Variants in AHI1 observed in about 807,000 individuals in gnomAD.
AHI1 encodes jouberin.
A neutral mutation model predicts 149.3 loss-of-function variants in AHI1; 123 were observed. The ratio of observed to expected loss-of-function variants is 0.82; its 90% confidence interval spans 0.71 to 0.96. The LOEUF is 0.96. AHI1 is among the 40% of genes least tolerant of loss of function. AHI1 has a pLI of 0.00. For synonymous variants in AHI1, 475 were observed against 459.8 expected (o/e 1.03, Z -0.42); for missense variants, 1,439 against 1,422.7 (o/e 1.01, Z -0.18).
intron 23 of AHI1, among the ~76,000 whole-genome samples, chr6:135,372,357 C>T (rs550132766): frequency 1.3e-5 from 2 of 151,938 alleles, no homozygotes; most frequent in Non-Finnish European, 2.9e-5. Context: ...TAAATTAAAC[C>T]AAAACAAACA....
At chr6:135,364,884 A>AAGAGAG (rs1171965324) in intron 23 of AHI1, among the ~76,000 whole-genome samples, 10 of 151,596 alleles carry the variant, frequency 6.6e-5, no homozygotes, top group African/African-American at 2.4e-4. Flanking sequence ...AGACCGTGGA[A>AAGAGAG]AGAGAGGGAG....
At chr6:135,351,749 T>C (rs1364320581) in intron 24 of AHI1, among the ~76,000 whole-genome samples, 1 of 152,196 alleles carries the variant, frequency 6.6e-6, no homozygotes. Context: ...GGATCTTAAA[T>C]ACATGATCAT....
chr6:135,410,283 T>C lies in AHI1; in HGVS notation c.2961+1065A>G, dbSNP rs761413208. Among the ~76,000 whole-genome samples the C allele has an allele frequency of 4.6e-5, 7 of 152,242 alleles. No individual in the cohort carries two copies. In the East Asian group the frequency reaches 7.7e-4, roughly 17 times the overall value. ...TACTCAAGAGTCAGAGGCAGGAGAATTGCTTGAGCCCAGGCGTTCGAGACT... is the reference window on the plus strand; with the variant it reads ...TACTCAAGAGTCAGAGGCAGGAGAACTGCTTGAGCCCAGGCGTTCGAGACT... On this transcript the variant is annotated intron_variant, in intron 21 of 28. Coordinates refer to ENST00000265602, the MANE Select transcript of AHI1 (RefSeq NM_001134831.2).
intron 5 of AHI1, among the ~76,000 whole-genome samples, chr6:135,482,085 T>A (rs911821340): frequency 6.6e-6 from 1 of 152,178 alleles, no homozygotes; most frequent in Non-Finnish European, 1.5e-5. Flanking sequence ...GCTTCTCTGA[T>A]CTGTGGGTGT....
chr6:135,286,980 A>G (rs1225565254), intron 28 of AHI1, among the ~76,000 whole-genome samples: 2 of 152,246 alleles, frequency 1.3e-5, no homozygotes, highest in African/African-American at 4.8e-5. Context: ...GTTTCAATGA[A>G]GGCTGGGCTA....
intron 20 of AHI1, among the ~76,000 whole-genome samples, chr6:135,422,811 G>C (rs1406630971): frequency 2.6e-5 from 4 of 151,748 alleles, no homozygotes; most frequent in African/African-American, 9.7e-5. Flanking sequence ...TTTTAAGGGA[G>C]TGAACTATTA....
chr6:135,388,955 C>G (rs1181491527), intron 23 of AHI1, among the ~76,000 whole-genome samples: 1 of 151,296 alleles, frequency 6.6e-6, no homozygotes, highest in Non-Finnish European at 1.5e-5. Context: ...GAGGTTACAG[C>G]GAGCTGAGAC....
intron 3 of AHI1, among the ~76,000 whole-genome samples, chr6:135,494,343 T>C (rs1795676996): frequency 6.6e-6 from 1 of 152,186 alleles, no homozygotes; most frequent in Admixed American, 6.5e-5. Context: ...TAACAGGTTG[T>C]TAGGGTGCAG....
At chr6:135,396,649 A>G (rs536410758) in intron 22 of AHI1, among the ~76,000 whole-genome samples, 83 of 151,968 alleles carry the variant, frequency 5.5e-4, no homozygotes, top group Admixed American at 1.3e-3. Flanking sequence ...AAAAGAACAT[A>G]TTTATCACTT....
intron 25 of AHI1, among the ~76,000 whole-genome samples, chr6:135,320,029 A>G (rs578079991): frequency 6.6e-6 from 1 of 152,314 alleles, no homozygotes; most frequent in South Asian, 2.1e-4. Context: ...TTGGCTTCAG[A>G]TAAAGATCAA....
At chr6:135,479,676 A>G (rs1174652167) in intron 5 of AHI1, among the ~76,000 whole-genome samples, 1 of 152,200 alleles carries the variant, frequency 6.6e-6, no homozygotes, top group Non-Finnish European at 1.5e-5. Flanking sequence ...TGTTGAAATA[A>G]GTTAAGACTT....
At position 135,492,252 on chromosome 6, in the gene AHI1, C is replaced by T. The variant is rs536727804; in HGVS notation, c.-15G>A. ...CCTGTAGGCATCTCTCAGCTTTATG[C>T]AGAGGACTGAGAATGCAAAGCATTG... is the stretch of plus-strand genomic sequence containing the variant. On this transcript the variant is annotated 5_prime_UTR_variant, in exon 4 of 29. Coordinates refer to ENST00000265602, the MANE Select transcript of AHI1 (RefSeq NM_001134831.2). The T allele has an allele frequency of 2.0e-6, 3 of 1,537,034 alleles. No homozygotes were observed. Among genetic ancestry groups the T allele is most frequent in the African/African-American group, 2.7e-5 (2 of 73,008 alleles).
chr6:135,465,709 T>A, intron 7 of AHI1, 105 bp downstream of exon 7: 1 of 960,496 alleles, frequency 1.0e-6, no homozygotes, highest in East Asian at 2.8e-5. Context: ...TGTCTCCAAA[T>A]AAAAGCGTAA....
intron 5 of AHI1, among the ~76,000 whole-genome samples, chr6:135,489,226 T>G (rs1238381118): frequency 6.6e-6 from 1 of 152,186 alleles, no homozygotes; most frequent in African/African-American, 2.4e-5. Flanking sequence ...AAGAAGCCTA[T>G]TCAGTCCTGG....
At chr6:135,433,805 A>G (rs1784996817) in intron 15 of AHI1, among the ~76,000 whole-genome samples, 1 of 152,040 alleles carries the variant, frequency 6.6e-6, no homozygotes, top group Non-Finnish European at 1.5e-5. Context: ...CTCAAGTAAA[A>G]TAAGATTAAA....
At chr6:135,323,535 C>CGA (rs1321417972) in intron 24 of AHI1, among the ~76,000 whole-genome samples, 1 of 152,082 alleles carries the variant, frequency 6.6e-6, no homozygotes, top group Non-Finnish European at 1.5e-5. Context: ...GAAATGGTTA[C>CGA]GAGCATTCAA....
chr6:135,287,668 G>C (rs924715976), intron 28 of AHI1, among the ~76,000 whole-genome samples: 1 of 152,170 alleles, frequency 6.6e-6, no homozygotes, highest in East Asian at 1.9e-4. Flanking sequence ...AGAAAGTAAC[G>C]AAGCAAAGCC....
rs766423667 is a variant in AHI1, at chr6:135,457,539, T to C, written c.1106A>G (p.His369Arg). The C allele has an allele frequency of 4.3e-6, 7 of 1,613,718 alleles. No individual in the cohort carries two copies. The highest frequency in any genetic ancestry group is 1.1e-5 in the South Asian group (1 of 91,066). Residue 369 changes from histidine to arginine, a missense_variant, in exon 9 of 29, where the codon CAT becomes CGT. Transcript: ENST00000265602. The stretch of plus-strand genomic sequence containing the variant: ...TTGACCAGTATGCTCATCAACCACA[T>C]GAATTTTTACCATTGGGTGAGAAAT... ...FMISHPMVKI[H>R]VVDEHTGQYV...
At chr6:135,424,806 A>G (rs1783704551) in intron 20 of AHI1, among the ~76,000 whole-genome samples, 1 of 151,948 alleles carries the variant, frequency 6.6e-6, no homozygotes. Flanking sequence ...TTCCTGGAAA[A>G]TTATCTGATA....
Sources: allele counts gnomAD v4.1 joint callset (sites outside exome capture counted in the v4.1 genomes callset), GRCh38; gene constraint gnomAD v4.1.1; transcripts MANE v1.5; gene names NCBI Gene and HGNC (gene_info 2026-07-23, HGNC 2026-07-21).